Variants in SLC8A3 observed in about 807,000 individuals in gnomAD.
SLC8A3 encodes sodium/calcium exchanger 3.
A neutral mutation model predicts 65.4 loss-of-function variants in SLC8A3; 37 were observed. The ratio of observed to expected loss-of-function variants is 0.57; its 90% CI spans 0.44 to 0.74. The LOEUF is 0.74. Ranked by LOEUF, SLC8A3 falls within the 30% of genes least tolerant of loss-of-function variation. The probability of loss-of-function intolerance (pLI) is 0.00; values close to 1 mark genes in which losing one functional copy is unlikely to be tolerated. For missense variants in SLC8A3, 1,112 were observed against 1,172.1 expected, an observed-to-expected ratio of 0.95 and a Z score of 0.75; for synonymous variants, 461 against 444.5, an observed-to-expected ratio of 1.04 and a Z score of -0.47.
chr14:70,121,524 T>C (rs1300975912), intron 2 of SLC8A3, among the ~76,000 whole-genome samples: 6 of 152,222 alleles, frequency 3.9e-5, no homozygotes, highest in Admixed American at 1.3e-4. Context: ...TTAAACCACT[T>C]CAGCCTCAGT....
rs771231806 is a variant in SLC8A3, at chr14:70,168,190, A to T, written c.233T>A (p.Ile78Asn). 7 of 1,614,130 alleles carry T rather than the reference A, an allele frequency of 4.3e-6. No homozygotes were observed. The highest frequency in any genetic ancestry group is 5.9e-6 in the Non-Finnish European group (7 of 1,180,002). Residue 78 changes from isoleucine to asparagine, a missense_variant, in exon 2 of 7, where the codon ATT (isoleucine) becomes AAT (asparagine). Transcript: ENST00000356921. ...PSLGDKIARVIVYFVALIYMF... is the reference protein window; with the variant it reads ...PSLGDKIARVNVYFVALIYMF... ...GTATATCAGGGCCACAAAATAGACA[A>T]TGACCCTGGCAATCTTGTCCCCAAG...
intron 2 of SLC8A3, among the ~76,000 whole-genome samples, chr14:70,155,643 G>A (rs1380339685): frequency 6.6e-6 from 1 of 152,214 alleles, no homozygotes; most frequent in Non-Finnish European, 1.5e-5. Flanking sequence ...AATATTAGAA[G>A]TTTTATTATG....
At chr14:70,098,869 AG>A (rs1892372496) in intron 2 of SLC8A3, among the ~76,000 whole-genome samples, 1 of 152,226 alleles carries the variant, frequency 6.6e-6, no homozygotes, top group Non-Finnish European at 1.5e-5. Context: ...CAGAAGAGAA[AG>A]GTTGAGAAAA....
chr14:70,165,731 T>C (rs891485127), intron 2 of SLC8A3, among the ~76,000 whole-genome samples: 9 of 152,170 alleles, frequency 5.9e-5, no homozygotes, highest in South Asian at 2.1e-4. Flanking sequence ...GCAGAGGCCT[T>C]AGGGTAATAG....
rs185308531 is a variant in SLC8A3, at chr14:70,158,899, C to T, written c.1784+7740G>A. Among the ~76,000 whole-genome samples, 285 of 152,304 alleles carry T rather than the reference C, an allele frequency of 1.9e-3. 3 individuals are homozygous for T. Among genetic ancestry groups the T allele is most frequent in the Middle Eastern group, 6.8e-3 (2 of 294 alleles). On this transcript the variant is annotated intron_variant, in intron 2 of 6. Transcript: ENST00000356921. ...GCCATCTGAAAATATTTGTCTAGTG[C>T]TTTCCTCCATGGTTATTTAGCAAAA...
intron 2 of SLC8A3, among the ~76,000 whole-genome samples, chr14:70,160,677 T>C (rs1316985832): frequency 6.6e-6 from 1 of 152,066 alleles, no homozygotes; most frequent in East Asian, 1.9e-4. Context: ...GTAGGAGAAT[T>C]GCTGATCCAG....
At chr14:70,082,166 G>A (rs1891096855) in intron 2 of SLC8A3, among the ~76,000 whole-genome samples, 1 of 152,170 alleles carries the variant, frequency 6.6e-6, no homozygotes, top group Non-Finnish European at 1.5e-5. Flanking sequence ...CTGATTCCAA[G>A]ACCCCTGCAT....
intron 2 of SLC8A3, among the ~76,000 whole-genome samples, chr14:70,074,026 T>G (rs1890252287): frequency 1.3e-5 from 2 of 152,194 alleles, no homozygotes; most frequent in South Asian, 4.1e-4. Flanking sequence ...ATTAGCTGAT[T>G]CTATAGACAT....
chr14:70,172,190 T>C (rs996775588), intron 1 of SLC8A3, among the ~76,000 whole-genome samples: 12 of 152,154 alleles, frequency 7.9e-5, no homozygotes, highest in Non-Finnish European at 2.9e-5. Context: ...AAGACATTAA[T>C]AACAGTAATT....
At chr14:70,057,298 A>G (rs370193846) in intron 3 of SLC8A3, among the ~76,000 whole-genome samples, 3 of 116,100 alleles carry the variant, frequency 2.6e-5, no homozygotes, top group Admixed American at 9.5e-5. Flanking sequence ...AGATAGGTAG[A>G]TAGATAGATA....
chr14:70,086,464 C>A (rs531576896), intron 2 of SLC8A3, among the ~76,000 whole-genome samples: 3 of 139,544 alleles, frequency 2.1e-5, no homozygotes, highest in African/African-American at 8.1e-5. Context: ...TGCAATGGCA[C>A]GATCTTGGCT....
At chr14:70,079,425 C>T (rs139112926) in intron 2 of SLC8A3, among the ~76,000 whole-genome samples, 89 of 151,740 alleles carry the variant, frequency 5.9e-4, no homozygotes, top group Middle Eastern at 3.4e-3. Flanking sequence ...ATTGCTTGAA[C>T]CCAGGAGGCA....
In SLC8A3 at chr14:70,145,041, A is replaced by G. The variant is rs1251439579; in HGVS notation, c.1784+21598T>C. On this transcript the variant is annotated intron_variant, in intron 2 of 6. Coordinates refer to ENST00000356921, the MANE Select transcript of SLC8A3 (RefSeq NM_182932.3). Reference sequence around the variant, plus strand: ...CTCAGCTGGACTTTGTTAAATGAAGACATTTGGTAACCCCTTTCAGCCTAG... The same window carrying G: ...CTCAGCTGGACTTTGTTAAATGAAGGCATTTGGTAACCCCTTTCAGCCTAG... Among the ~76,000 whole-genome samples the G allele has an allele frequency of 2.0e-4, 31 of 152,226 alleles. 1 individual carries two copies. The highest frequency in any genetic ancestry group is 3.2e-3 in the Middle Eastern group (1 of 316).
At chr14:70,187,567 C>A (rs1016980015) in intron 1 of SLC8A3, among the ~76,000 whole-genome samples, 1 of 150,354 alleles carries the variant, frequency 6.7e-6, no homozygotes, top group Non-Finnish European at 1.5e-5. Flanking sequence ...CCTGTAGGAG[C>A]AGCAGCGCTA....
intron 2 of SLC8A3, among the ~76,000 whole-genome samples, chr14:70,142,797 C>A (rs1895664019): frequency 6.6e-6 from 1 of 152,128 alleles, no homozygotes; most frequent in Admixed American, 6.5e-5. Flanking sequence ...GTCTAGAGGG[C>A]AAGGTTCTGT....
rs187066261 is a variant in SLC8A3 at position 70,175,268 on chromosome 14, T to C, written c.-62-6784A>G. 1.2e-4 allele frequency among the ~76,000 whole-genome samples: 19 copies of C among 152,306 alleles called. No homozygotes were observed. The East Asian group carries it at 3.5e-3, about 28-fold the overall frequency. On this transcript the variant is annotated intron_variant, in intron 1 of 6. Transcript: ENST00000356921. ...ATAGCCAGCACTACTCTAGGCACTT[T>C]TATATCTGTTATTTAATACCTCACA...
chr14:70,147,591 T>C (rs1896008578), intron 2 of SLC8A3, among the ~76,000 whole-genome samples: 1 of 152,206 alleles, frequency 6.6e-6, no homozygotes, highest in African/African-American at 2.4e-5. Context: ...TAAGGGAAAC[T>C]GTCCTGAGTG....
chr14:70,076,235 A>C (rs1393823121), intron 2 of SLC8A3, among the ~76,000 whole-genome samples: 1 of 152,110 alleles, frequency 6.6e-6, no homozygotes, highest in Non-Finnish European at 1.5e-5. Context: ...CTTAGCTTAC[A>C]TGCCACCACC....
chr14:70,063,794 G>A lies in SLC8A3; in HGVS notation c.1785-2855C>T, dbSNP rs1889086321. On this transcript the variant is annotated intron_variant, in intron 2 of 6. Coordinates refer to ENST00000356921, the MANE Select transcript of SLC8A3 (RefSeq NM_182932.3). ...AACAGAAGAGGAGAGAAGAATGTTA[G>A]TGTTAGTGTGGAGGACAGGGTACTA... is the stretch of plus-strand genomic sequence containing the variant. 2.6e-6 allele frequency: 3 copies of A among 1,150,470 alleles called. No homozygotes were observed. The East Asian group carries it at 7.1e-5, about 27-fold the overall frequency. 71.3% of individuals were successfully genotyped at this position (1,150,470 alleles called of 1,614,324 possible).
Sources: gnomAD v4.1 joint callset for allele counts (sites outside exome capture counted in the v4.1 genomes callset) on GRCh38, gnomAD v4.1.1 for gene constraint, MANE v1.5 for transcripts, NCBI Gene and HGNC (gene_info 2026-07-23, HGNC 2026-07-21) for gene names.